The following THRA variants were observed in gnomAD, a reference collection of about 807,000 sequenced individuals.
THRA encodes EAR-7.
Under a neutral mutation model 45.0 loss-of-function variants are expected in THRA, and 13 were observed. The observed-to-expected ratio is 0.29, with a 90% confidence interval of 0.19 to 0.46. THRA has a LOEUF of 0.46. Among genes scored for constraint, THRA ranks in the 20% least tolerant of loss-of-function variants. THRA has a pLI of 1.00. For missense variants in THRA, 278 were observed against 556.1 expected, an observed-to-expected ratio of 0.50 and a Z score of 5.03; for synonymous variants, 195 against 214.0, an observed-to-expected ratio of 0.91 and a Z score of 0.78.
chr17:40,084,887 C>G, intron 6 of THRA, 72 bp downstream of exon 6: 1 of 1,548,070 alleles, frequency 6.5e-7, no homozygotes, highest in Non-Finnish European at 8.8e-7. Context: ...CGGAGTCTTG[C>G]CTCCTCCAGG....
chr17:40,089,903 A>G lies in THRA; in HGVS notation c.*447A>G, dbSNP rs2145088329. On this transcript the variant is annotated 3_prime_UTR_variant, in exon 9 of 9. Coordinates refer to ENST00000450525, the MANE Select transcript of THRA (RefSeq NM_199334.5). The surrounding 1 kb of genome is among the most constrained non-coding windows in gnomAD (Gnocchi z 6.1). ...TCCCCTCCAGGCTGAGGGCCTCTCT[A>G]CTTCCCCAGATGCCTGGGTGCAAAG... 1 of 998,224 alleles carries G rather than the reference A, an allele frequency of 1.0e-6. No homozygotes were observed. Among genetic ancestry groups the G allele is most frequent in the Non-Finnish European group, 1.2e-6 (1 of 837,772 alleles). 61.8% of individuals were successfully genotyped at this position (998,224 alleles called of 1,614,324 possible). A position where few individuals can be genotyped will look rare whatever the true frequency, so the allele number is the denominator to read the frequency against.
At chr17:40,076,966 C>T (rs1174453636) in intron 3 of THRA, 28 bp downstream of exon 3, 2 of 1,610,480 alleles carry the variant, frequency 1.2e-6, no homozygotes, top group African/African-American at 2.7e-5. Context: ...TGCCCCTTCT[C>T]CACGTCCCCA....
At chr17:40,062,783 G>A (rs1303498347), upstream of THRA, 3 of 145,286 alleles carry the variant, frequency 2.1e-5, no homozygotes, top group East Asian at 2.0e-4. Context: ...GCGCGGCAGG[G>A]GGCGGGGGGC....
In THRA at chr17:40,086,709, C is replaced by G. The variant is rs748068674; in HGVS notation, c.579C>G (p.Pro193=). 5 of 1,613,754 alleles carry G rather than the reference C, an allele frequency of 3.1e-6. No homozygotes were observed. The highest frequency in any genetic ancestry group is 2.2e-5 in the South Asian group (2 of 91,064). ...CTGACCCCCGTCTTTCTCTCTAGCC[C>G]GATGACATTGGCCAGTCACCCATTG... ...SHWKQRRKFL[P]DDIGQSPIVS... The change falls in exon 7 of 9, where the codon CCC becomes CCG. Residue 193 remains proline (P), a splice_region_variant and synonymous_variant. Coordinates refer to ENST00000450525, the MANE Select transcript of THRA (RefSeq NM_199334.5).
In THRA at chr17:40,091,585, A is replaced by G. The variant is rs1987552066; in HGVS notation, c.*2129A>G. 3 of 143,850 alleles carry G rather than the reference A, an allele frequency of 2.1e-5. No individual in the cohort carries two copies. The highest frequency in any genetic ancestry group is 7.9e-5 in the African/African-American group (3 of 38,216). 8.9% of individuals were successfully genotyped at this position (143,850 alleles called of 1,614,324 possible). A position where few individuals can be genotyped will look rare whatever the true frequency, so the allele number is the denominator to read the frequency against. On this transcript the variant is annotated 3_prime_UTR_variant, in exon 9 of 9. Transcript: ENST00000450525. Reference sequence around the variant, plus strand: ...TGTCTGCTGTCTTCCCCATCCCTCCATCCCCACCCCAACCCCTCCATCCCC... The same window carrying G: ...TGTCTGCTGTCTTCCCCATCCCTCCGTCCCCACCCCAACCCCTCCATCCCC...
intron 4 of THRA, among the ~76,000 whole-genome samples, chr17:40,080,749 G>C (rs1012736818): frequency 7.0e-6 from 1 of 142,694 alleles, no homozygotes; most frequent in Non-Finnish European, 1.5e-5. Flanking sequence ...TCAAGACGGA[G>C]TCTCACTCTG....
In THRA at chr17:40,084,791, T is replaced by G; in HGVS notation, c.552T>G (p.His184Gln). Residue 184 changes from histidine (H) to glutamine (Q), a missense_variant, in exon 6 of 9, where the codon CAT (histidine) becomes CAG (glutamine). Around this residue, in one of 6 missense-constraint regions of THRA, gnomAD observed 111 missense variants for 167.1 expected, o/e 0.66. Transcript: ENST00000450525. ...AHRSTNAQGS[H>Q]WKQRRKFLPD... ...GCAGCACCAATGCCCAGGGCAGCCA[T>G]TGGAAACAGAGGCGGAAATTCCTGG... The G allele has an allele frequency of 6.2e-7, 1 of 1,613,718 alleles. No homozygotes were observed. The highest frequency in any genetic ancestry group is 8.5e-7 in the Non-Finnish European group (1 of 1,179,974).
chr17:40,089,024 C>T lies in THRA; in HGVS notation c.983-182C>T, dbSNP rs115623188. Among the ~76,000 whole-genome samples, 9,611 of 139,314 alleles carry T rather than the reference C, an allele frequency of 0.069. 571 individuals are homozygous for T. Among genetic ancestry groups the T allele is most frequent in the African/African-American group, 0.14 (5,259 of 37,234 alleles). 91.4% of individuals were successfully genotyped at this position (139,314 alleles called of 152,430 possible). On this transcript the variant is annotated intron_variant, in intron 8 of 8. Transcript: ENST00000450525. The surrounding 1 kb of genome is among the most constrained non-coding windows in gnomAD (Gnocchi z 6.1). ...CCTGCCCCTCTCCACTTCCCAGCTG[C>T]CTCCCTCTCCCTGTGCTTCTCCTGT...
intron 2 of THRA, 66 bp downstream of exon 2, chr17:40,074,607 C>T: frequency 6.4e-7 from 1 of 1,566,106 alleles, no homozygotes; most frequent in Non-Finnish European, 8.8e-7. Flanking sequence ...TGGCTGAGCT[C>T]TCCTTTAGGC....
At chr17:40,088,997 C>T (rs1439778349) in intron 8 of THRA, among the ~76,000 whole-genome samples, 3 of 147,256 alleles carry the variant, frequency 2.0e-5, no homozygotes, top group Non-Finnish European at 4.5e-5. Context: ...CCCCAGTACC[C>T]CCCTGCCCCT....
chr17:40,086,964 T>C, intron 7 of THRA, 111 bp downstream of exon 7: 1 of 1,424,992 alleles, frequency 7.0e-7, no homozygotes, highest in Non-Finnish European at 9.7e-7. Flanking sequence ...GCAATTCCTG[T>C]AGGTCAACAT....
At chr17:40,073,993 C>T (rs1986865689) in intron 1 of THRA, among the ~76,000 whole-genome samples, 199 bp from the exon 2 acceptor site, 2 of 152,108 alleles carry the variant, frequency 1.3e-5, no homozygotes, top group Non-Finnish European at 1.5e-5. Flanking sequence ...ATGTCTGGGG[C>T]TTAGGAGGTG....
At chr17:40,078,428 C>T (rs148620318) in intron 4 of THRA, among the ~76,000 whole-genome samples, 4 of 152,322 alleles carry the variant, frequency 2.6e-5, no homozygotes, top group East Asian at 3.9e-4. Flanking sequence ...CTGCATTGAA[C>T]GGTGGTGGCG....
intron 4 of THRA, among the ~76,000 whole-genome samples, chr17:40,080,089 A>G (rs1987084735): frequency 6.6e-6 from 1 of 151,786 alleles, no homozygotes; most frequent in South Asian, 2.1e-4. Context: ...AATAAAAAAA[A>G]AAAGAAACAG....
At chr17:40,062,812 G>C (rs1362664999), upstream of THRA, 1 of 144,150 alleles carries the variant, frequency 6.9e-6, no homozygotes, top group African/African-American at 2.5e-5. Context: ...GCGGCGGCGA[G>C]GCGGCCTGCA....
Position 40,077,577 on chromosome 17 carries a change from A to G in THRA, c.191A>G (p.His64Arg), listed in dbSNP as rs1481823516. ...VVCGDKATGY[H>R]YRCITCEGCK... ...TGTGGGGACAAGGCAACTGGTTATC[A>G]CTACCGCTGTATCACTTGTGAGGGC... is the stretch of plus-strand genomic sequence containing the variant. Residue 64 changes from histidine to arginine, a missense_variant, in exon 4 of 9, where the codon CAC becomes CGC. Physicochemically the swap from His to Arg is conservative, Grantham distance 29 (BLOSUM62 0). Transcript: ENST00000450525. The G allele has an allele frequency of 1.2e-6, 2 of 1,613,904 alleles. No individual in the cohort carries two copies. Among genetic ancestry groups the G allele is most frequent in the Admixed American group, 1.7e-5 (1 of 60,000 alleles).
chr17:40,089,829 C>T lies in THRA; in HGVS notation c.*373C>T, dbSNP rs1987468683. 9.1e-7 allele frequency: 1 copy of T among 1,097,224 alleles called. No individual in the cohort carries two copies. The highest frequency in any genetic ancestry group is 1.1e-6 in the Non-Finnish European group (1 of 896,832). 68.0% of individuals were successfully genotyped at this position (1,097,224 alleles called of 1,614,324 possible). ...GGGGGAAGATGCCCTCAACTCACCC[C>T]CTACACACACATGAGAGAGAGCCCC... On this transcript the variant is annotated 3_prime_UTR_variant, in exon 9 of 9. Transcript: ENST00000450525. This position sits in a 1 kb window ranked among gnomAD's most constrained non-coding sequence, Gnocchi z 6.1.
intron 4 of THRA, among the ~76,000 whole-genome samples, chr17:40,080,104 A>G (rs1987085505): frequency 6.6e-6 from 1 of 151,900 alleles, no homozygotes. Flanking sequence ...AAACAGAATG[A>G]TTTATATGTT....
Position 40,089,182 on chromosome 17 carries a change from C to T in THRA, c.983-24C>T. The T allele has an allele frequency of 6.2e-7, 1 of 1,611,118 alleles. No individual in the cohort carries two copies. Among genetic ancestry groups the T allele is most frequent in the Non-Finnish European group, 8.5e-7 (1 of 1,178,350 alleles). ...CCAGGCCTTCGGCCAGCCCCTCGCC[C>T]CTCACGCCCCTCTTCCCTCACAGAC... On this transcript the variant is annotated intron_variant, in intron 8 of 8. Transcript: ENST00000450525. The surrounding 1 kb of genome is among the most constrained non-coding windows in gnomAD (Gnocchi z 6.1).
Sources: allele counts gnomAD v4.1 joint callset (sites outside exome capture counted in the v4.1 genomes callset), GRCh38; gene constraint gnomAD v4.1.1; regional missense constraint gnomAD v4.1.1; non-coding constraint Gnocchi (gnomAD v3.1); transcripts MANE v1.5; gene names NCBI Gene and HGNC (gene_info 2026-07-23, HGNC 2026-07-21).